The following CPNE4 variants were observed in gnomAD, a reference collection of about 807,000 sequenced individuals.
CPNE4 encodes copine-4.
Under a neutral mutation model 67.9 loss-of-function variants are expected in CPNE4, and 25 were observed. The ratio of observed to expected loss-of-function variants is 0.37; its 90% CI spans 0.27 to 0.51. CPNE4 has a LOEUF of 0.51. Ranked by LOEUF, CPNE4 falls within the 20% of genes least tolerant of loss-of-function variation. The pLI is 0.93. For synonymous variants in CPNE4, 242 were observed against 244.9 expected (o/e 0.99, Z 0.11); for missense variants, 464 against 690.8 (o/e 0.67, Z 3.68).
At chr3:131,747,693 G>A (rs1184090437) in intron 2 of CPNE4, among the ~76,000 whole-genome samples, 1 of 152,078 alleles carries the variant, frequency 6.6e-6, no homozygotes, top group African/African-American at 2.4e-5. Flanking sequence ...TTAATCGTTG[G>A]TGTATAGAAA....
At chr3:131,998,418 C>T (rs960094795) in intron 1 of CPNE4, among the ~76,000 whole-genome samples, 1 of 152,082 alleles carries the variant, frequency 6.6e-6, no homozygotes, top group African/African-American at 2.4e-5. Flanking sequence ...GATTAATGAG[C>T]CAGTCTGTTC....
intron 3 of CPNE4, among the ~76,000 whole-genome samples, chr3:131,703,354 T>G (rs942319682): frequency 1.3e-5 from 2 of 152,192 alleles, no homozygotes; most frequent in African/African-American, 4.8e-5. Flanking sequence ...GGGTCACAGG[T>G]GCAAACCTTA....
At chr3:132,036,435 G>A (rs2107710452), upstream of CPNE4, among the ~76,000 whole-genome samples, 1 of 152,308 alleles carries the variant, frequency 6.6e-6, no homozygotes, top group Middle Eastern at 3.4e-3. Flanking sequence ...TGAGACACAG[G>A]GACAATTCTC....
At chr3:131,856,661 A>G (rs1246009269) in intron 2 of CPNE4, among the ~76,000 whole-genome samples, 1 of 151,992 alleles carries the variant, frequency 6.6e-6, no homozygotes, top group Non-Finnish European at 1.5e-5. Context: ...GGAACCTTAG[A>G]AACATTGTCC....
At chr3:131,985,759 G>A (rs916097888) in intron 1 of CPNE4, 2 of 153,266 alleles carry the variant, frequency 1.3e-5, no homozygotes, top group African/African-American at 2.4e-5. Context: ...TATATTCAAT[G>A]AAAAACCTTA....
intron 2 of CPNE4, among the ~76,000 whole-genome samples, chr3:131,892,011 C>G (rs2088137426): frequency 6.6e-6 from 1 of 151,950 alleles, no homozygotes; most frequent in African/African-American, 2.4e-5. Flanking sequence ...GTATGAAAGC[C>G]CAGGATAGGA....
chr3:131,690,226 G>A (rs2081003301), intron 5 of CPNE4, among the ~76,000 whole-genome samples: 1 of 152,236 alleles, frequency 6.6e-6, no homozygotes, highest in Admixed American at 6.5e-5. Flanking sequence ...AGCCTGAATT[G>A]CCAAAGTAAT....
At chr3:131,669,053 T>C (rs2080333427) in intron 7 of CPNE4, among the ~76,000 whole-genome samples, 1 of 152,202 alleles carries the variant, frequency 6.6e-6, no homozygotes, top group Admixed American at 6.5e-5. Context: ...TATGGGGCTC[T>C]GTTCTTGCAT....
intron 2 of CPNE4, among the ~76,000 whole-genome samples, chr3:131,813,054 G>A (rs879854635): frequency 2.6e-5 from 4 of 152,120 alleles, no homozygotes; most frequent in African/African-American, 4.8e-5. Context: ...GAATAGTTAA[G>A]AAAATTGTAT....
chr3:131,907,990 G>A (rs180718009), intron 1 of CPNE4, among the ~76,000 whole-genome samples: 9 of 152,232 alleles, frequency 5.9e-5, no homozygotes, highest in Admixed American at 2.6e-4. Context: ...GCTCAGAGAG[G>A]ATTGGCAGCT....
chr3:131,632,657 G>A (rs189896883), intron 7 of CPNE4, among the ~76,000 whole-genome samples: 6 of 152,054 alleles, frequency 3.9e-5, no homozygotes, highest in Admixed American at 3.9e-4. Flanking sequence ...AGTATTACTA[G>A]ACACACACCT....
intron 2 of CPNE4, among the ~76,000 whole-genome samples, chr3:131,783,614 A>G (rs1369558849): frequency 6.6e-6 from 1 of 151,928 alleles, no homozygotes; most frequent in African/African-American, 2.4e-5. Context: ...GCCTGGTTGT[A>G]TGGTTCAAGC....
At chr3:132,034,378 T>A (rs1468249491) in intron 1 of CPNE4, among the ~76,000 whole-genome samples, 189 bp downstream of exon 1, 1 of 152,212 alleles carries the variant, frequency 6.6e-6, no homozygotes, top group Non-Finnish European at 1.5e-5. Flanking sequence ...AGGTAGGGGA[T>A]GGAAGTCCCT....
At chr3:131,866,021 T>C (rs1455101006) in intron 2 of CPNE4, among the ~76,000 whole-genome samples, 1 of 152,128 alleles carries the variant, frequency 6.6e-6, no homozygotes, top group African/African-American at 2.4e-5. Flanking sequence ...TCCAGGAAGG[T>C]GCATGACTTT....
chr3:131,829,906 A>G (rs1200159315), intron 2 of CPNE4, among the ~76,000 whole-genome samples: 1 of 152,228 alleles, frequency 6.6e-6, no homozygotes. Flanking sequence ...ATGAAAATTA[A>G]CAAGATCCTA....
intron 14 of CPNE4, among the ~76,000 whole-genome samples, chr3:131,548,604 C>T (rs1329331394): frequency 6.6e-6 from 1 of 151,950 alleles, no homozygotes; most frequent in East Asian, 1.9e-4. Context: ...TGAGAGAAAC[C>T]CTGGCAGGGG....
chr3:131,996,420 C>T (rs568089616), intron 1 of CPNE4, among the ~76,000 whole-genome samples: 2 of 151,664 alleles, frequency 1.3e-5, no homozygotes, highest in African/African-American at 4.8e-5. Context: ...TCATTGCCCA[C>T]AGTGAAGGCA....
intron 1 of CPNE4, among the ~76,000 whole-genome samples, chr3:131,949,220 C>T (rs911132596): frequency 6.6e-6 from 1 of 152,124 alleles, no homozygotes; most frequent in African/African-American, 2.4e-5. Context: ...GCCCACTTAC[C>T]AAATACTTAG....
chr3:132,028,092 G>A (rs963248851), intron 1 of CPNE4, among the ~76,000 whole-genome samples: 1 of 152,120 alleles, frequency 6.6e-6, no homozygotes, highest in African/African-American at 2.4e-5. Flanking sequence ...ACAGGGCATG[G>A]TGCAAGTTGA....
Sources: gnomAD v4.1 joint callset for allele counts (sites outside exome capture counted in the v4.1 genomes callset) on GRCh38, gnomAD v4.1.1 for gene constraint, MANE v1.5 for transcripts, NCBI Gene and HGNC (gene_info 2026-07-23, HGNC 2026-07-21) for gene names.